Variants in PMPCB observed in about 807,000 individuals in gnomAD.
PMPCB encodes peptidase, mitochondrial processing subunit beta.
A neutral mutation model predicts 61.5 loss-of-function variants in PMPCB; 46 were observed. That is an observed-to-expected ratio of 0.75 (90% CI 0.59 to 0.96). The LOEUF is 0.96. Among genes scored for constraint, PMPCB ranks in the 40% least tolerant of loss-of-function variants. The probability of loss-of-function intolerance (pLI) is 0.00; values close to 1 mark genes in which losing one functional copy is unlikely to be tolerated. For synonymous variants in PMPCB, 191 were observed against 201.6 expected (o/e 0.95, Z 0.44); for missense variants, 590 against 602.4 (o/e 0.98, Z 0.22).
chr7:103,326,577 C>G, intron 12 of PMPCB: 1 of 1,613,808 alleles, frequency 6.2e-7, no homozygotes. Context: ...GTAAACACTT[C>G]GAAGAAATTA....
the PMPCB span, chr7:103,344,755 G>A: frequency 2.3e-6 from 2 of 867,716 alleles, no homozygotes; most frequent in Non-Finnish European, 3.6e-6. Flanking sequence ...ACCGGCGCAT[G>A]GAGACGACCA....
chr7:103,315,788 C>G, downstream of PMPCB: 1 of 1,613,554 alleles, frequency 6.2e-7, no homozygotes, highest in Non-Finnish European at 8.5e-7. Context: ...GAAGGCGTTG[C>G]GTTGTCTGCT....
In PMPCB at chr7:103,312,587, T is replaced by C. The variant is rs1315698575; in HGVS notation, c.*316T>C. On this transcript the variant is annotated 3_prime_UTR_variant, in exon 13 of 13. Transcript: ENST00000249269. ...AAGATTGTCATTTCTTGGCTCTACT[T>C]GCATTCAGCACTTGTTCTTGAGCAG... 19 of 1,613,150 alleles carry C rather than the reference T, an allele frequency of 1.2e-5. No individual in the cohort carries two copies. In the East Asian group the frequency reaches 4.2e-4, roughly 36 times the overall value.
chr7:103,327,452 G>T, intron 12 of PMPCB: 2 of 749,980 alleles, frequency 2.7e-6, no homozygotes, highest in Non-Finnish European at 4.3e-6. Context: ...GCTGCCAGGT[G>T]TTGCTGATGC....
chr7:103,337,888 A>C, the PMPCB span: 1 of 1,041,040 alleles, frequency 9.6e-7, no homozygotes, highest in East Asian at 2.4e-5. Flanking sequence ...TGGTACCTTA[A>C]TAAGCATTTC....
rs944271090 is a variant in PMPCB, at chr7:103,313,962, G to A, written c.*1691G>A. On this transcript the variant is annotated 3_prime_UTR_variant, in exon 13 of 13. Coordinates refer to ENST00000249269, the MANE Select transcript of PMPCB (RefSeq NM_004279.3). ...TAGCCTGACTACTACTAGAAACTGC[G>A]GCCTGTGAGATCTGTTAAAAGTTAA... 2.0e-6 allele frequency: 2 copies of A among 985,150 alleles called. No homozygotes were observed. The highest frequency in any genetic ancestry group is 6.2e-5 in the Admixed American group (1 of 16,238). The allele number at this position is 985,150 out of a possible 1,614,324, so 61.0% of individuals were successfully genotyped here.
In PMPCB at chr7:103,306,379, GTTC is replaced by G. The variant is rs746804693; in HGVS notation, c.737-1214_737-1212del. Among the ~76,000 whole-genome samples the G allele has an allele frequency of 4.5e-3, 656 of 145,910 alleles. 2 individuals are homozygous for G. The highest frequency in any genetic ancestry group is 7.6e-3 in the Non-Finnish European group (508 of 66,554). ...TTAGATGACACTATTTTGTTCCTGA[GTTC>G]TTTTTTTTTTTTTTTTTGAGATGGA... On this transcript the variant is annotated intron_variant, in intron 6 of 12. Coordinates refer to ENST00000249269, the MANE Select transcript of PMPCB (RefSeq NM_004279.3).
In PMPCB at chr7:103,313,455, A is replaced by G. The variant is rs1447183804; in HGVS notation, c.*1184A>G. The G allele has an allele frequency of 3.0e-6, 3 of 984,920 alleles. No individual in the cohort carries two copies. Among genetic ancestry groups the G allele is most frequent in the Non-Finnish European group, 3.6e-6 (3 of 829,578 alleles). 61.0% of individuals were successfully genotyped at this position (984,920 alleles called of 1,614,324 possible). ...TCTTGGACTCAAAAACACAACCACA[A>G]TTCATTAAGAGTTCTGATAAATCTA... is the stretch of plus-strand genomic sequence containing the variant. On this transcript the variant is annotated 3_prime_UTR_variant, in exon 13 of 13. Coordinates refer to ENST00000249269, the MANE Select transcript of PMPCB (RefSeq NM_004279.3).
intron 12 of PMPCB, chr7:103,322,841 A>G (rs1463689950): frequency 7.1e-7 from 1 of 1,407,856 alleles, no homozygotes; most frequent in Non-Finnish European, 9.8e-7. Context: ...TATAGATGCT[A>G]TGACTGGAAA....
chr7:103,334,610 T>G, the PMPCB span, among the ~76,000 whole-genome samples: 1 of 151,504 alleles, frequency 6.6e-6, no homozygotes. Context: ...AAAAAAATTT[T>G]TTTAATTAAA....
At chr7:103,345,683 T>G in the PMPCB span, among the ~76,000 whole-genome samples, 7,234 of 151,660 alleles carry the variant, frequency 0.048, 228 homozygotes, top group African/African-American at 0.08. Flanking sequence ...CTTGAACTCC[T>G]GGCCTCAAGG....
rs765763868 is a variant in PMPCB at position 103,322,475 on chromosome 7, A to G, written c.*1432-6456A>G. 6 of 1,401,758 alleles carry G rather than the reference A, an allele frequency of 4.3e-6. No individual in the cohort carries two copies. In the South Asian group the frequency reaches 8.0e-5, roughly 19 times the overall value. 86.8% of individuals were successfully genotyped at this position (1,401,758 alleles called of 1,614,324 possible). On this transcript the variant is annotated intron_variant and NMD_transcript_variant, in intron 12 of 12. Coordinates refer to the PMPCB transcript ENST00000444457. ...AAAGTGAAGATTAAAGATTTCATAAACATTTAAAGTCCACCTTCATTAAAT... is the reference window on the plus strand; with the variant it reads ...AAAGTGAAGATTAAAGATTTCATAAGCATTTAAAGTCCACCTTCATTAAAT...
intron 12 of PMPCB, among the ~76,000 whole-genome samples, chr7:103,321,779 C>T (rs963138846): frequency 1.1e-4 from 16 of 152,140 alleles, no homozygotes; most frequent in African/African-American, 3.1e-4. Flanking sequence ...AACCCGGAGG[C>T]GGAAATTGCG....
At chr7:103,305,401 G>C (rs1342505101) in intron 6 of PMPCB, among the ~76,000 whole-genome samples, 1 of 152,096 alleles carries the variant, frequency 6.6e-6, no homozygotes, top group Non-Finnish European at 1.5e-5. Flanking sequence ...TTGGTTTCCA[G>C]TTTTTTATTT....
chr7:103,339,833 ACT>A, the PMPCB span, among the ~76,000 whole-genome samples: 7 of 150,432 alleles, frequency 4.7e-5, no homozygotes, highest in Admixed American at 2.7e-4. Flanking sequence ...GACACAGGTG[ACT>A]CTTCCCACGC....
At chr7:103,307,244 AT>A (rs947584504) in intron 6 of PMPCB, among the ~76,000 whole-genome samples, 5 of 151,028 alleles carry the variant, frequency 3.3e-5, no homozygotes, top group Admixed American at 1.3e-4. Flanking sequence ...CCACTAAAAA[AT>A]TTTTTTTTTG....
chr7:103,304,600 A>G (rs1170536078), intron 6 of PMPCB, 110 bp downstream of exon 6: 3 of 756,298 alleles, frequency 4.0e-6, no homozygotes, highest in Non-Finnish European at 4.8e-6. Flanking sequence ...TTACATAGCA[A>G]ATAACTGATA....
At chr7:103,299,910 C>CTATA (rs113782725) in intron 3 of PMPCB, among the ~76,000 whole-genome samples, 9,702 of 150,496 alleles carry the variant, frequency 0.064, 364 homozygotes, top group South Asian at 0.13. Flanking sequence ...CTGGGAGTAT[C>CTATA]TATATATATA....
chr7:103,339,328 T>G, the PMPCB span, among the ~76,000 whole-genome samples: 2 of 152,234 alleles, frequency 1.3e-5, no homozygotes, highest in African/African-American at 4.8e-5. Flanking sequence ...TACCTTACTC[T>G]GATACAATCT....
Sources: allele counts gnomAD v4.1 joint callset (sites outside exome capture counted in the v4.1 genomes callset), GRCh38; gene constraint gnomAD v4.1.1; transcripts MANE v1.5; gene names NCBI Gene and HGNC (gene_info 2026-07-23, HGNC 2026-07-21).